The following RARB variants were observed in gnomAD, a reference collection of about 807,000 sequenced individuals.
The protein encoded by RARB is retinoic acid receptor beta.
A neutral mutation model predicts 51.9 loss-of-function variants in RARB; 17 were observed. The ratio of observed to expected loss-of-function variants is 0.33; its 90% CI spans 0.22 to 0.49. The LOEUF is 0.49. Ranked by LOEUF, RARB falls within the 20% of genes least tolerant of loss-of-function variation. The probability of loss-of-function intolerance (pLI) is 0.99; values close to 1 mark genes in which losing one functional copy is unlikely to be tolerated. For synonymous variants in RARB, 215 were observed against 195.4 expected, an observed-to-expected ratio of 1.10 and a Z score of -0.84; for missense variants, 369 against 550.8, an observed-to-expected ratio of 0.67 and a Z score of 3.30.
chr3:25,412,227 T>A (rs1451760668), intron 5 of RARB, among the ~76,000 whole-genome samples: 1 of 152,216 alleles, frequency 6.6e-6, no homozygotes, highest in East Asian at 1.9e-4. Flanking sequence ...CCTTTTTAAA[T>A]TCTCGTCCTT....
intron 4 of RARB, among the ~76,000 whole-genome samples, chr3:25,160,918 C>T (rs1456791311): frequency 6.6e-6 from 1 of 152,130 alleles, no homozygotes; most frequent in Non-Finnish European, 1.5e-5. Flanking sequence ...ACCTTCTCCT[C>T]TTCTATAATC....
chr3:25,356,645 C>G (rs1705745898), intron 5 of RARB, among the ~76,000 whole-genome samples: 1 of 152,038 alleles, frequency 6.6e-6, no homozygotes, highest in Non-Finnish European at 1.5e-5. Flanking sequence ...GGTATTTCTC[C>G]TGATGCTGTC....
At position 25,306,502 on chromosome 3, in the gene RARB, T is replaced by TA. The variant is rs879672866; in HGVS notation, c.178+131939dup. ...GAAAAACCAGGAATTATTCATTCTT[T>TA]AAAAAAAAAAAAGACTTAGAAGAAA... is the stretch of plus-strand genomic sequence containing the variant. On this transcript the variant is annotated intron_variant, in intron 5 of 11. Transcript: ENST00000383772. Among the ~76,000 whole-genome samples, 575 of 142,688 alleles carry TA rather than the reference T, an allele frequency of 4.0e-3. 5 individuals are homozygous for TA. The East Asian group carries it at 0.055, about 14-fold the overall frequency. 93.6% of individuals were successfully genotyped at this position (142,688 alleles called of 152,430 possible).
intron 2 of RARB, among the ~76,000 whole-genome samples, chr3:24,937,744 C>A (rs1695575887): frequency 6.6e-6 from 1 of 152,112 alleles, no homozygotes; most frequent in Admixed American, 6.5e-5. Context: ...CACACGCTGG[C>A]AGGTGGGTGG....
intron 5 of RARB, 146 bp downstream of exon 5, chr3:25,580,868 C>A: frequency 8.3e-6 from 7 of 847,416 alleles, no homozygotes; most frequent in South Asian, 2.6e-5. Flanking sequence ...TAGGTGGACT[C>A]ACCTAGCCTC....
Position 25,428,276 on chromosome 3 carries a change from T to C in RARB, c.-456T>C, listed in dbSNP as rs1708055809. The C allele has an allele frequency of 1.3e-5, 16 of 1,233,900 alleles. No individual in the cohort carries two copies. The South Asian group carries it at 6.1e-4, about 47-fold the overall frequency. 76.4% of individuals were successfully genotyped at this position (1,233,900 alleles called of 1,614,324 possible). A position where few individuals can be genotyped will look rare whatever the true frequency, so the allele number is the denominator to read the frequency against. ...CTTTCATTCTGTGTGACAGAAGTAG[T>C]AGGAAGTGAGCTGTTCAGAGGCAGG... On this transcript the variant is annotated 5_prime_UTR_variant, in exon 1 of 8. Coordinates refer to ENST00000330688, the MANE Select transcript of RARB (RefSeq NM_000965.5).
chr3:25,473,754 C>T (rs529660080), intron 2 of RARB, among the ~76,000 whole-genome samples: 2 of 152,076 alleles, frequency 1.3e-5, no homozygotes, highest in South Asian at 2.1e-4. Context: ...TGAGGCAGCC[C>T]TTGTGTTTTC....
intron 2 of RARB, among the ~76,000 whole-genome samples, chr3:25,035,085 T>C (rs1044512179): frequency 3.9e-5 from 6 of 152,204 alleles, no homozygotes; most frequent in African/African-American, 1.4e-4. Context: ...TTTCAATTTA[T>C]TTAACCCTTA....
chr3:25,451,927 A>G (rs529248415), intron 1 of RARB, among the ~76,000 whole-genome samples: 2 of 152,234 alleles, frequency 1.3e-5, no homozygotes, highest in African/African-American at 4.8e-5. Flanking sequence ...TGTAAATATT[A>G]TGGGAATCCC....
chr3:25,044,157 CTCTT>C (rs1321790150), intron 2 of RARB, among the ~76,000 whole-genome samples: 1 of 152,168 alleles, frequency 6.6e-6, no homozygotes, highest in African/African-American at 2.4e-5. Flanking sequence ...TCTTAATAGA[CTCTT>C]CCCTCTTTTT....
At chr3:24,948,639 C>G (rs1002968594) in intron 2 of RARB, among the ~76,000 whole-genome samples, 2 of 152,136 alleles carry the variant, frequency 1.3e-5, no homozygotes, top group African/African-American at 4.8e-5. Flanking sequence ...ATGTTTGTCC[C>G]CTCCGAATCT....
chr3:25,438,553 A>G (rs945003795), intron 1 of RARB, among the ~76,000 whole-genome samples: 38 of 152,204 alleles, frequency 2.5e-4, no homozygotes, highest in Non-Finnish European at 2.9e-4. Flanking sequence ...TCACAACCCT[A>G]TAAGTGAGAT....
At chr3:25,041,875 G>A (rs1053496042) in intron 2 of RARB, among the ~76,000 whole-genome samples, 2 of 152,026 alleles carry the variant, frequency 1.3e-5, no homozygotes, top group Non-Finnish European at 2.9e-5. Context: ...AAGTGGAGGT[G>A]GTAATATAGC....
intron 5 of RARB, among the ~76,000 whole-genome samples, chr3:25,256,069 T>G (rs1702856950): frequency 6.6e-6 from 1 of 152,142 alleles, no homozygotes; most frequent in Non-Finnish European, 1.5e-5. Context: ...ATGTCACACA[T>G]TGAACAAATC....
At chr3:24,906,069 A>C (rs1694856848) in intron 2 of RARB, among the ~76,000 whole-genome samples, 1 of 152,226 alleles carries the variant, frequency 6.6e-6, no homozygotes, top group African/African-American at 2.4e-5. Flanking sequence ...TACAGTACTA[A>C]CAAAAAATTA....
intron 5 of RARB, among the ~76,000 whole-genome samples, chr3:25,392,071 A>C (rs1178135806): frequency 6.6e-6 from 1 of 152,042 alleles, no homozygotes; most frequent in African/African-American, 2.4e-5. Context: ...TTTTGTATGA[A>C]GTGAGAGATC....
At chr3:25,284,269 C>G (rs764837041) in intron 5 of RARB, among the ~76,000 whole-genome samples, 9 of 152,132 alleles carry the variant, frequency 5.9e-5, no homozygotes, top group Non-Finnish European at 1.0e-4. Context: ...TAAACCTAAT[C>G]AATACCTGAC....
chr3:25,140,224 T>C (rs58565307), intron 4 of RARB, among the ~76,000 whole-genome samples: 4,110 of 152,308 alleles, frequency 0.027, 85 homozygotes, highest in Middle Eastern at 0.058. Flanking sequence ...GATAGTGATT[T>C]CTCTGATGGA....
intron 2 of RARB, among the ~76,000 whole-genome samples, chr3:24,958,525 G>C (rs903318789): frequency 6.6e-6 from 1 of 151,900 alleles, no homozygotes; most frequent in Non-Finnish European, 1.5e-5. Flanking sequence ...GCTCTCTTTA[G>C]GTTTCCCTTT....
Sources: gnomAD v4.1 joint callset for allele counts (sites outside exome capture counted in the v4.1 genomes callset) on GRCh38, gnomAD v4.1.1 for gene constraint, MANE v1.5 for transcripts, NCBI Gene and HGNC (gene_info 2026-07-23, HGNC 2026-07-21) for gene names.